Variants in CD81 observed in about 807,000 individuals in gnomAD.
CD81 encodes CD81 molecule.
A neutral mutation model predicts 30.1 loss-of-function variants in CD81; 10 were observed. The observed-to-expected ratio is 0.33, with a 90% CI of 0.21 to 0.56. The LOEUF is 0.56. CD81 is among the 20% of genes least tolerant of loss of function. CD81 has a pLI of 0.89. For synonymous variants in CD81, 147 were observed against 126.4 expected (o/e 1.16, Z -1.10); for missense variants, 263 against 308.7 (o/e 0.85, Z 1.11).
rs117064847 is a variant in CD81 at position 2,384,098 on chromosome 11, C to G, written c.67-6314C>G. 6.3e-3 allele frequency among the ~76,000 whole-genome samples: 960 copies of G among 152,306 alleles called. 5 individuals are homozygous for G. Among genetic ancestry groups the G allele is most frequent in the Non-Finnish European group, 0.01 (701 of 68,018 alleles). ...GAACCCAGTGTGCTTGGCAGCCCCC[C>G]TTTTAAAGTCGATTCTGTTATTTAT... On this transcript the variant is annotated intron_variant, in intron 1 of 7. Transcript: ENST00000263645.
Position 2,395,559 on chromosome 11 carries a change from G to T in CD81, c.459+39G>T, listed in dbSNP as rs749568704. 9.3e-6 allele frequency: 14 copies of T among 1,512,114 alleles called. No homozygotes were observed. In the African/African-American group the frequency reaches 1.6e-4, roughly 18 times the overall value. The allele number at this position is 1,512,114 out of a possible 1,614,324, so 93.7% of individuals were successfully genotyped here. ...GGGCGAGGGCGGGGAGCAGGGCCCC[G>T]GGAACCCGGCGGGGTGTGTCTCGTC... On this transcript the variant is annotated intron_variant, in intron 5 of 7. Coordinates refer to ENST00000263645, the MANE Select transcript of CD81 (RefSeq NM_004356.4).
At position 2,394,954 on chromosome 11, in the gene CD81, G is replaced by A; in HGVS notation, c.280-18G>A. 3.1e-6 allele frequency: 5 copies of A among 1,611,278 alleles called. No individual in the cohort carries two copies. The highest frequency in any genetic ancestry group is 4.2e-6 in the Non-Finnish European group (5 of 1,179,150). On this transcript the variant is annotated intron_variant, in intron 3 of 7. Coordinates refer to ENST00000263645, the MANE Select transcript of CD81 (RefSeq NM_004356.4). ...CAGCCTGCCCTCTTTCCTCCCTCTG[G>A]CCACTGCCCGGCTCCAGTTCTTCAC...
In CD81 at chr11:2,395,907, C is replaced by T. The variant is rs1849991224; in HGVS notation, c.498C>T (p.Thr166=). The T allele has an allele frequency of 1.2e-6, 2 of 1,612,342 alleles. No individual in the cohort carries two copies. Among genetic ancestry groups the T allele is most frequent in the African/African-American group, 1.3e-5 (1 of 74,900 alleles). The stretch of plus-strand genomic sequence containing the variant: ...GCTCCAGCACACTGACTGCTTTGAC[C>T]ACCTCAGTGCTCAAGAACAATTTGT... ...CCGSSTLTAL[T]TSVLKNNLCP... Residue 166 remains threonine (T), a synonymous_variant, in exon 6 of 8, where the codon ACC becomes ACT. Transcript: ENST00000263645.
At chr11:2,385,996 T>C in intron 1 of CD81, 2 of 709,790 alleles carry the variant, frequency 2.8e-6, no homozygotes, top group Non-Finnish European at 5.3e-6. Context: ...GCCAAACTGT[T>C]ATTCAAGGTG....
At position 2,395,976 on chromosome 11, in the gene CD81, C is replaced by G. The variant is rs377337982; in HGVS notation, c.561+6C>G. ...TCATCAGCAACCTCTTCAAGGTGCG[C>G]GAGGCCGGTGGGGCCGCGCCTGACC... is the stretch of plus-strand genomic sequence containing the variant. On this transcript the variant is annotated splice_donor_region_variant and intron_variant, in intron 6 of 7. Transcript: ENST00000263645. 1.9e-5 allele frequency: 30 copies of G among 1,596,576 alleles called. No individual in the cohort carries two copies. Among genetic ancestry groups the G allele is most frequent in the Non-Finnish European group, 2.1e-5 (24 of 1,165,926 alleles).
At chr11:2,386,388 A>G (rs1034242976) in intron 1 of CD81, 5 of 635,152 alleles carry the variant, frequency 7.9e-6, no homozygotes, top group Non-Finnish European at 1.4e-5. Context: ...GCCCTGCCAC[A>G]TGGGGTTTGT....
intron 1 of CD81, chr11:2,390,054 T>C (rs372141952): frequency 2.0e-5 from 8 of 390,762 alleles, no homozygotes; most frequent in Non-Finnish European, 3.9e-5. Flanking sequence ...CCAGATTATT[T>C]TTTTGTATGT....
chr11:2,394,120 C>T lies in CD81; in HGVS notation c.207C>T (p.Gly69=), dbSNP rs777575968. 74 of 1,613,042 alleles carry T rather than the reference C, an allele frequency of 4.6e-5. No homozygotes were observed. Among genetic ancestry groups the T allele is most frequent in the Middle Eastern group, 1.6e-4 (1 of 6,072 alleles). Residue 69 remains glycine (G), a synonymous_variant, in exon 3 of 8, where the codon GGC becomes GGT. Transcript: ENST00000263645. ...GCATCTACATCCTCATCGCTGTGGGCGCTGTCATGATGTTCGTTGGCTTCC... is the reference window on the plus strand; with the variant it reads ...GCATCTACATCCTCATCGCTGTGGGTGCTGTCATGATGTTCGTTGGCTTCC... ...YVGIYILIAV[G]AVMMFVGFLG...
At chr11:2,386,414 C>T in intron 1 of CD81, 1 of 652,896 alleles carries the variant, frequency 1.5e-6, no homozygotes, top group Non-Finnish European at 2.8e-6. Flanking sequence ...GGCAGGGGCA[C>T]CTGTGCCTTT....
intron 1 of CD81, 58 bp from the exon 2 acceptor site, chr11:2,390,354 G>T: frequency 7.4e-7 from 1 of 1,350,204 alleles, no homozygotes; most frequent in African/African-American, 1.4e-5. Flanking sequence ...TGTGGGGTGG[G>T]CGCACTCCCT....
chr11:2,380,668 C>T lies in CD81; in HGVS notation c.66+3053C>T, dbSNP rs74602645. Among the ~76,000 whole-genome samples the T allele has an allele frequency of 7.4e-3, 1,130 of 152,252 alleles. 5 individuals carry two copies. The highest frequency in any genetic ancestry group is 0.012 in the Admixed American group (178 of 15,310). ...TGGGTCTCGGAGCCTCCATCAGAGGCGGCTGGCACCTGAGACCCACCTGCT... is the reference window on the plus strand; with the variant it reads ...TGGGTCTCGGAGCCTCCATCAGAGGTGGCTGGCACCTGAGACCCACCTGCT... On this transcript the variant is annotated intron_variant, in intron 1 of 7. Transcript: ENST00000263645.
In CD81 at chr11:2,378,978, G is replaced by C. The variant is rs1849651310; in HGVS notation, c.66+1363G>C. Among the ~76,000 whole-genome samples the C allele has an allele frequency of 6.6e-6, 1 of 152,228 alleles. No homozygotes were observed. Among genetic ancestry groups the C allele is most frequent in the Non-Finnish European group, 1.5e-5 (1 of 68,040 alleles). On this transcript the variant is annotated intron_variant, in intron 1 of 7. Coordinates refer to ENST00000263645, the MANE Select transcript of CD81 (RefSeq NM_004356.4). The surrounding 1 kb of genome is among the most constrained non-coding windows in gnomAD (Gnocchi z 4.9). ...TCACATCCCACCTTCCCCAAGCCGG[G>C]CTGTTCTGCACAGCCTGCTTGGGAC...
In CD81 at chr11:2,394,078, G is replaced by A; in HGVS notation, c.182-17G>A. On this transcript the variant is annotated splice_polypyrimidine_tract_variant and intron_variant, in intron 2 of 7. Transcript: ENST00000263645. Reference sequence around the variant, plus strand: ...GCGAGTGTGTAGGCACCCACCTGGTGTCTCTCTCCCCGCAAGGCATCTACA... The same window carrying A: ...GCGAGTGTGTAGGCACCCACCTGGTATCTCTCTCCCCGCAAGGCATCTACA... 6 of 1,601,548 alleles carry A rather than the reference G, an allele frequency of 3.7e-6. No homozygotes were observed. Among genetic ancestry groups the A allele is most frequent in the South Asian group, 1.1e-5 (1 of 90,874 alleles).
At chr11:2,389,915 T>A (rs1849866976) in intron 1 of CD81, among the ~76,000 whole-genome samples, 1 of 152,050 alleles carries the variant, frequency 6.6e-6, no homozygotes, top group Non-Finnish European at 1.5e-5. Context: ...TCAGAACTCT[T>A]GGGGCGCTGC....
At chr11:2,389,190 G>A (rs570064525) in intron 1 of CD81, among the ~76,000 whole-genome samples, 4 of 152,148 alleles carry the variant, frequency 2.6e-5, no homozygotes, top group Non-Finnish European at 5.9e-5. Flanking sequence ...AGGTCTGAAG[G>A]GGACCCAGCC....
Position 2,377,372 on chromosome 11 carries a change from C to T in CD81, c.-178C>T, listed in dbSNP as rs1849613692. On this transcript the variant is annotated 5_prime_UTR_variant, in exon 1 of 8. Coordinates refer to ENST00000263645, the MANE Select transcript of CD81 (RefSeq NM_004356.4). This position sits in a 1 kb window ranked among gnomAD's most constrained non-coding sequence, Gnocchi z 7.7. ...GACCCCACCGCGCATCCTGCCAGGC[C>T]TCCGGCGCCCAGCGCCCCACGCGCC... 6.6e-6 allele frequency: 1 copy of T among 151,158 alleles called. No individual in the cohort carries two copies. The highest frequency in any genetic ancestry group is 2.4e-5 in the African/African-American group (1 of 40,930). 9.4% of individuals were successfully genotyped at this position (151,158 alleles called of 1,614,324 possible).
intron 1 of CD81, among the ~76,000 whole-genome samples, chr11:2,381,874 C>T (rs1849711457): frequency 6.6e-6 from 1 of 152,252 alleles, no homozygotes; most frequent in African/African-American, 2.4e-5. Context: ...AAGTCGTCCC[C>T]ACCTGCCTTG....
Position 2,377,589 on chromosome 11 carries a change from C to T in CD81, c.40C>T (p.Leu14Phe), listed in dbSNP as rs759471923. 3.2e-6 allele frequency: 5 copies of T among 1,542,140 alleles called. No individual in the cohort carries two copies. The highest frequency in any genetic ancestry group is 4.4e-6 in the Non-Finnish European group (5 of 1,142,118). ...CTGCACCAAGTGCATCAAGTACCTG[C>T]TCTTCGTCTTCAATTTCGTCTTCTG... ...EGCTKCIKYL[L>F]FVFNFVFWLA... Residue 14 changes from leucine to phenylalanine, a missense_variant, in exon 1 of 8, where the codon CTC becomes TTC. By Grantham distance (22) the Leu-to-Phe change is conservative. Around this residue, in one of 3 missense-constraint regions of CD81, gnomAD observed 84 missense variants for 98.2 expected, o/e 0.86. Coordinates refer to ENST00000263645, the MANE Select transcript of CD81 (RefSeq NM_004356.4). The surrounding 1 kb of genome is among the most constrained non-coding windows in gnomAD (Gnocchi z 7.7).
In CD81 at chr11:2,393,837, T is replaced by C. The variant is rs906479916; in HGVS notation, c.182-258T>C. Reference sequence around the variant, plus strand: ...CCTGCGAAGCACCTGTCGCCAGCACTCAGAGCGCTCATGAGGTGCCCAGTC... The same window carrying C: ...CCTGCGAAGCACCTGTCGCCAGCACCCAGAGCGCTCATGAGGTGCCCAGTC... On this transcript the variant is annotated intron_variant, in intron 2 of 7. Transcript: ENST00000263645. 6.1e-6 allele frequency: 4 copies of C among 650,560 alleles called. No individual in the cohort carries two copies. The Admixed American group carries it at 6.5e-5, about 11-fold the overall frequency. The allele number at this position is 650,560 out of a possible 1,614,324, so 40.3% of individuals were successfully genotyped here. A position where few individuals can be genotyped will look rare whatever the true frequency, so the allele number is the denominator to read the frequency against.
Sources: allele counts gnomAD v4.1 joint callset (sites outside exome capture counted in the v4.1 genomes callset), GRCh38; gene constraint gnomAD v4.1.1; regional missense constraint gnomAD v4.1.1; non-coding constraint Gnocchi (gnomAD v3.1); transcripts MANE v1.5; gene names NCBI Gene and HGNC (gene_info 2026-07-23, HGNC 2026-07-21).